The following NUMA1 variants were observed in gnomAD, a reference collection of about 807,000 sequenced individuals.
NUMA1 encodes nuclear mitotic apparatus protein 1, also known as SP-H antigen.
Under a neutral mutation model 237.1 loss-of-function variants are expected in NUMA1, and 62 were observed. That is an observed-to-expected ratio of 0.26 (90% CI 0.21 to 0.32). The LOEUF (loss-of-function observed/expected upper bound fraction) is 0.32, where lower values mean the gene tolerates loss of function less well. Among genes scored for constraint, NUMA1 ranks in the 10% least tolerant of loss-of-function variants. The probability of loss-of-function intolerance (pLI) is 1.00; values close to 1 mark genes in which losing one functional copy is unlikely to be tolerated. For missense variants in NUMA1, 2,533 were observed against 2,666.5 expected, an observed-to-expected ratio of 0.95 and a Z score of 1.10; for synonymous variants, 1,028 against 1,066.1, an observed-to-expected ratio of 0.96 and a Z score of 0.70.
At chr11:72,072,859 G>A (rs1023137447) in intron 1 of NUMA1, among the ~76,000 whole-genome samples, 20 of 151,760 alleles carry the variant, frequency 1.3e-4, no homozygotes, top group Non-Finnish European at 2.1e-4. Context: ...TAGAGACCAC[G>A]GTGAAACCCC....
At chr11:72,018,368 C>G (rs532552413) in intron 11 of NUMA1, 28 bp downstream of exon 11, 1 of 1,609,112 alleles carries the variant, frequency 6.2e-7, no homozygotes, top group Non-Finnish European at 8.5e-7. Flanking sequence ...GGGCTGGGGC[C>G]TGGGAAGGAA....
intron 20 of NUMA1, 105 bp from the exon 21 acceptor site, chr11:72,007,540 G>A (rs1955824600): frequency 1.4e-6 from 2 of 1,390,106 alleles, no homozygotes; most frequent in Non-Finnish European, 9.8e-7. Flanking sequence ...AAGCAGATGA[G>A]GTCAAGCAGC....
Position 72,010,784 on chromosome 11 carries a change from A to G in NUMA1, c.4719+2T>C, listed in dbSNP as rs1956105420. 2 of 1,609,508 alleles carry G rather than the reference A, an allele frequency of 1.2e-6. No homozygotes were observed. The highest frequency in any genetic ancestry group is 2.7e-5 in the African/African-American group (2 of 73,632). ...CCAGACCCATTCCCCCAGCTGCCCC[A>G]CCTTCAGCTTCTGCTGCTGCACCTT... On this transcript the variant is annotated splice_donor_variant, in intron 17 of 26. Coordinates refer to ENST00000393695, the MANE Select transcript of NUMA1 (RefSeq NM_006185.4). LOFTEE classifies it high-confidence loss of function.
intron 2 of NUMA1, among the ~76,000 whole-genome samples, chr11:72,053,975 ATAT>A (rs1942502516): frequency 6.6e-6 from 1 of 152,202 alleles, no homozygotes; most frequent in Admixed American, 6.5e-5. Context: ...TTATATGCTA[ATAT>A]TATACCATTT....
Position 72,021,329 on chromosome 11 carries a change from T to C in NUMA1, c.373-38A>G, listed in dbSNP as rs759901246. ...GAGAAAAAGAGCATCACTTAGGTGTTAGGCCTCTGAAGGGATGGCTGCCAG... is the reference window on the plus strand; with the variant it reads ...GAGAAAAAGAGCATCACTTAGGTGTCAGGCCTCTGAAGGGATGGCTGCCAG... On this transcript the variant is annotated intron_variant, in intron 7 of 26. Coordinates refer to ENST00000393695, the MANE Select transcript of NUMA1 (RefSeq NM_006185.4). The C allele has an allele frequency of 2.5e-6, 4 of 1,588,258 alleles. No homozygotes were observed. The South Asian group carries it at 3.3e-5, about 13-fold the overall frequency.
At chr11:72,005,994 GTCTAATTTTGGGGTAT>G (rs1326761899) in intron 22 of NUMA1, 25 bp downstream of exon 22, 5 of 1,472,918 alleles carry the variant, frequency 3.4e-6, no homozygotes, top group Admixed American at 3.9e-5. Context: ...CCACCTTCCA[GTCTAATTTTGGGGTAT>G]AGTAAGTCCC....
chr11:72,022,969 C>T lies in NUMA1; in HGVS notation c.291+96G>A, dbSNP rs189781460. On this transcript the variant is annotated intron_variant, in intron 6 of 26. Coordinates refer to ENST00000393695, the MANE Select transcript of NUMA1 (RefSeq NM_006185.4). Reference sequence around the variant, plus strand: ...AGAGCCCCAGAAATAAAGCACCCATCATCTCCCCTTGGGTTAAGAGAAGGC... The same window carrying T: ...AGAGCCCCAGAAATAAAGCACCCATTATCTCCCCTTGGGTTAAGAGAAGGC... The T allele has an allele frequency of 2.2e-4, 177 of 821,274 alleles. 1 individual carries two copies. The Admixed American group carries it at 3.7e-3, about 17-fold the overall frequency. 50.9% of individuals were successfully genotyped at this position (821,274 alleles called of 1,614,324 possible).
chr11:72,021,418 T>A (rs1938804815), intron 7 of NUMA1, 127 bp from the exon 8 acceptor site: 2 of 780,724 alleles, frequency 2.6e-6, no homozygotes, highest in African/African-American at 1.7e-5. Context: ...CTGGATCCCA[T>A]TCTCCCTCTC....
chr11:72,040,660 A>G (rs1220712543), intron 2 of NUMA1: 3 of 152,254 alleles, frequency 2.0e-5, no homozygotes, highest in African/African-American at 7.2e-5. Flanking sequence ...CTACAGCTCA[A>G]CGTGCAGGCA....
At chr11:72,028,082 A>T (rs181266952) in intron 4 of NUMA1, among the ~76,000 whole-genome samples, 1 of 152,354 alleles carries the variant, frequency 6.6e-6, no homozygotes, top group African/African-American at 2.4e-5. Flanking sequence ...CACACACTTC[A>T]AATAAAAACC....
chr11:72,048,723 A>C (rs1565274007), intron 2 of NUMA1, among the ~76,000 whole-genome samples: 1 of 152,156 alleles, frequency 6.6e-6, no homozygotes, highest in South Asian at 2.1e-4. Context: ...TTTCAAAATT[A>C]ATCACTAAAG....
intron 2 of NUMA1, among the ~76,000 whole-genome samples, chr11:72,053,918 A>G (rs1942499443): frequency 1.3e-5 from 2 of 152,208 alleles, no homozygotes; most frequent in Admixed American, 6.5e-5. Flanking sequence ...ATTGCATTAT[A>G]TAAGTAATCC....
In NUMA1 at chr11:72,008,942, G is replaced by C. The variant is rs949328506; in HGVS notation, c.5058+25C>G. The C allele has an allele frequency of 1.9e-6, 3 of 1,597,658 alleles. No homozygotes were observed. The African/African-American group carries it at 4.7e-5, about 25-fold the overall frequency. ...AGGGGTCCAGTGGAATAGGAGTGAG[G>C]TGAGTCTGCCAGCCAAATTCTTACC... On this transcript the variant is annotated intron_variant, in intron 19 of 26. Transcript: ENST00000393695.
chr11:72,017,934 A>G lies in NUMA1; in HGVS notation c.979-107T>C. ...GCTGGATGCCTCCAATTATCCTGCC[A>G]ACCCTCTACAAACCAATCACAGCCA... is the stretch of plus-strand genomic sequence containing the variant. On this transcript the variant is annotated intron_variant, in intron 12 of 26. Coordinates refer to ENST00000393695, the MANE Select transcript of NUMA1 (RefSeq NM_006185.4). 3 of 1,331,778 alleles carry G rather than the reference A, an allele frequency of 2.3e-6. No individual in the cohort carries two copies. In the South Asian group the frequency reaches 4.0e-5, roughly 18 times the overall value. The allele number at this position is 1,331,778 out of a possible 1,614,324, so 82.5% of individuals were successfully genotyped here.
intron 24 of NUMA1, 75 bp from the exon 25 acceptor site, chr11:72,004,416 G>A: frequency 7.3e-7 from 1 of 1,376,404 alleles, no homozygotes; most frequent in Non-Finnish European, 1.0e-6. Context: ...TGTCCTCTCA[G>A]AGCTGAGTGG....
chr11:72,067,288 T>C (rs1162740713), intron 2 of NUMA1: 1 of 152,218 alleles, frequency 6.6e-6, no homozygotes, highest in Admixed American at 6.5e-5. Context: ...AACTTCCAAC[T>C]GGTACACAAG....
At chr11:72,052,873 G>C (rs1374451660) in intron 2 of NUMA1, among the ~76,000 whole-genome samples, 1 of 152,150 alleles carries the variant, frequency 6.6e-6, no homozygotes, top group African/African-American at 2.4e-5. Flanking sequence ...AAAGGAAGAG[G>C]GTAAAGGGGA....
At chr11:72,044,037 TA>T (rs1447809750) in intron 2 of NUMA1, among the ~76,000 whole-genome samples, 1 of 152,196 alleles carries the variant, frequency 6.6e-6, no homozygotes, top group African/African-American at 2.4e-5. Context: ...TCTACTGACC[TA>T]ATATGTACGA....
At chr11:72,038,738 C>T (rs756213246) in intron 2 of NUMA1, among the ~76,000 whole-genome samples, 3 of 152,100 alleles carry the variant, frequency 2.0e-5, no homozygotes, top group Non-Finnish European at 4.4e-5. Flanking sequence ...AACCATTTCA[C>T]AGAAGGATCT....
Sources: gnomAD v4.1 joint callset for allele counts (sites outside exome capture counted in the v4.1 genomes callset) on GRCh38, gnomAD v4.1.1 for gene constraint, MANE v1.5 for transcripts, NCBI Gene and HGNC (gene_info 2026-07-23, HGNC 2026-07-21) for gene names.